Variants in FSTL5 observed in about 807,000 individuals in gnomAD.
FSTL5 encodes the protein follistatin-related protein 5.
FSTL5 carries 62 observed loss-of-function variants against 89.1 expected under a neutral mutation model. The observed-to-expected ratio is 0.70, with a 90% CI of 0.57 to 0.86. The LOEUF is 0.86. FSTL5 is among the 40% of genes least tolerant of loss of function. FSTL5 has a pLI of 0.00. For synonymous variants in FSTL5, 383 were observed against 346.2 expected, an observed-to-expected ratio of 1.11 and a Z score of -1.18; for missense variants, 1,057 against 1,001.6, an observed-to-expected ratio of 1.06 and a Z score of -0.75.
intron 1 of FSTL5, among the ~76,000 whole-genome samples, chr4:162,143,472 C>T (rs1732829354): frequency 6.6e-6 from 1 of 152,094 alleles, no homozygotes; most frequent in African/African-American, 2.4e-5. Flanking sequence ...CATATGTTTA[C>T]AGGTGAACAC....
intron 3 of FSTL5, among the ~76,000 whole-genome samples, chr4:161,975,874 G>A (rs888853271): frequency 2.0e-5 from 3 of 151,398 alleles, no homozygotes; most frequent in Non-Finnish European, 4.4e-5. Flanking sequence ...CCAGCACTTT[G>A]GGAGGCCGAG....
At chr4:161,922,354 A>T (rs980353689) in intron 3 of FSTL5, among the ~76,000 whole-genome samples, 1 of 152,034 alleles carries the variant, frequency 6.6e-6, no homozygotes, top group African/African-American at 2.4e-5. Context: ...TAATCTGTAT[A>T]ATAAACTCTC....
chr4:161,667,163 C>T (rs935923634), intron 6 of FSTL5, among the ~76,000 whole-genome samples: 1 of 151,916 alleles, frequency 6.6e-6, no homozygotes, highest in African/African-American at 2.4e-5. Context: ...TATAAATGTA[C>T]AATTATCTTT....
In FSTL5 at chr4:161,667,349, A is replaced by T. The variant is rs374844791; in HGVS notation, c.728-10855T>A. Among the ~76,000 whole-genome samples, 17 of 152,226 alleles carry T rather than the reference A, an allele frequency of 1.1e-4. No homozygotes were observed. In the East Asian group the frequency reaches 3.3e-3, roughly 29 times the overall value. Reference sequence around the variant, plus strand: ...TAGTTTCCATGTGAAGCCTGACCTAACAAAAACTGTACTAACAGAAAGAAT... The same window carrying T: ...TAGTTTCCATGTGAAGCCTGACCTATCAAAAACTGTACTAACAGAAAGAAT... On this transcript the variant is annotated intron_variant, in intron 6 of 15. Transcript: ENST00000306100.
intron 8 of FSTL5, among the ~76,000 whole-genome samples, chr4:161,543,456 T>G (rs1731901367): frequency 6.6e-6 from 1 of 151,830 alleles, no homozygotes; most frequent in Admixed American, 6.6e-5. Context: ...TGCATTTTTT[T>G]CGAGAAATTA....
chr4:162,055,384 T>C (rs1738505595), intron 2 of FSTL5, among the ~76,000 whole-genome samples: 1 of 151,684 alleles, frequency 6.6e-6, no homozygotes, highest in Non-Finnish European at 1.5e-5. Context: ...TAATACTATA[T>C]ACAGGAATAC....
intron 5 of FSTL5, among the ~76,000 whole-genome samples, chr4:161,760,792 A>G (rs1740766058): frequency 6.6e-6 from 1 of 152,218 alleles, no homozygotes. Flanking sequence ...TCTTTAGTAC[A>G]GCAAAGGCAG....
chr4:161,454,097 T>C (rs1049421867), intron 15 of FSTL5, among the ~76,000 whole-genome samples: 1 of 152,192 alleles, frequency 6.6e-6, no homozygotes, highest in African/African-American at 2.4e-5. Flanking sequence ...TATGCAGTCT[T>C]TCATAATTCT....
intron 8 of FSTL5, among the ~76,000 whole-genome samples, chr4:161,555,423 G>T (rs920186497): frequency 6.6e-6 from 1 of 151,174 alleles, no homozygotes; most frequent in African/African-American, 2.4e-5. Context: ...AAGAATAAAT[G>T]AGAAAAAAAC....
At chr4:161,391,539 A>C (rs765297148) in intron 15 of FSTL5, among the ~76,000 whole-genome samples, 49 of 152,190 alleles carry the variant, frequency 3.2e-4, no homozygotes, top group Non-Finnish European at 6.2e-4. Flanking sequence ...TCATTCATTT[A>C]TGAATAAATG....
intron 10 of FSTL5, among the ~76,000 whole-genome samples, chr4:161,531,208 G>A (rs1731402471): frequency 6.6e-6 from 1 of 152,100 alleles, no homozygotes; most frequent in Admixed American, 6.5e-5. Context: ...GTTAGACACT[G>A]TAAATCAAAG....
At chr4:161,884,385 A>T (rs2163490) in intron 4 of FSTL5, among the ~76,000 whole-genome samples, 1 of 152,152 alleles carries the variant, frequency 6.6e-6, no homozygotes, top group East Asian at 1.9e-4. Flanking sequence ...CTATACAAAT[A>T]TAAGGAATTA....
In FSTL5 at chr4:161,386,243, G is replaced by T. The variant is rs1016322607; in HGVS notation, c.2048C>A (p.Thr683Asn). Residue 683 changes from threonine (T) to asparagine (N), a missense_variant, in exon 16 of 16, where the codon ACT (threonine) becomes AAT (asparagine). Transcript: ENST00000306100. ...ACTATTGAACCCAATGACTGAGTCAGTTACACCGTCCACCATGACCTGTGG... is the reference window on the plus strand; with the variant it reads ...ACTATTGAACCCAATGACTGAGTCATTTACACCGTCCACCATGACCTGTGG... ...VSPQVMVDGV[T>N]DSVIGFNSDV... The T allele has an allele frequency of 6.2e-7, 1 of 1,613,978 alleles. No individual in the cohort carries two copies. The highest frequency in any genetic ancestry group is 2.2e-5 in the East Asian group (1 of 44,844).
intron 10 of FSTL5, among the ~76,000 whole-genome samples, chr4:161,513,272 G>GGAGAGAGAGAGAGAGAGAGAGAGA (rs6148753): frequency 1.8e-5 from 2 of 109,978 alleles, no homozygotes; most frequent in Admixed American, 2.1e-4. Flanking sequence ...ACAAGGAGGG[G>GGAGAGAGAGAGAGAGAGAGAGAGA]GAGAGAGAGA....
intron 6 of FSTL5, among the ~76,000 whole-genome samples, chr4:161,697,551 C>T (rs188424609): frequency 3.3e-5 from 5 of 152,246 alleles, no homozygotes; most frequent in Admixed American, 2.6e-4. Flanking sequence ...TGTCTGCATT[C>T]CCATGTTTAT....
Position 161,913,304 on chromosome 4 carries a change from C to T in FSTL5, c.409+7100G>A, listed in dbSNP as rs149120556. Among the ~76,000 whole-genome samples the T allele has an allele frequency of 2.9e-3, 437 of 152,176 alleles. 11 individuals are homozygous for T. Among genetic ancestry groups the T allele is most frequent in the Admixed American group, 0.026 (404 of 15,286 alleles). ...CGCTTCCATCACAGGCCCGGAGGCC[C>T]AGGAAGAAAAAGTGGTTTGGTAGGC... is the stretch of plus-strand genomic sequence containing the variant. On this transcript the variant is annotated intron_variant, in intron 4 of 15. Transcript: ENST00000306100.
chr4:161,976,458 T>C (rs1056689639), intron 3 of FSTL5, among the ~76,000 whole-genome samples: 9 of 152,094 alleles, frequency 5.9e-5, no homozygotes, highest in African/African-American at 1.2e-4. Context: ...TCAGGTGATT[T>C]TAAGGTGCAG....
chr4:161,615,398 G>A (rs1309702637), intron 7 of FSTL5, among the ~76,000 whole-genome samples: 1 of 146,592 alleles, frequency 6.8e-6, no homozygotes, highest in Non-Finnish European at 1.5e-5. Context: ...CCAGGGAGGC[G>A]GAGCTTGCAG....
intron 4 of FSTL5, among the ~76,000 whole-genome samples, chr4:161,817,354 C>T (rs1730354416): frequency 6.6e-6 from 1 of 152,062 alleles, no homozygotes. Context: ...AAGTATAAAA[C>T]CAAGAACAAA....
Sources: gnomAD v4.1 joint callset for allele counts (sites outside exome capture counted in the v4.1 genomes callset) on GRCh38, gnomAD v4.1.1 for gene constraint, MANE v1.5 for transcripts, NCBI Gene and HGNC (gene_info 2026-07-23, HGNC 2026-07-21) for gene names.